PALM2AKAP2: variants seen among roughly 807,000 people sequenced by gnomAD.
PALM2AKAP2 encodes PALM2-AKAP2 fusion protein.
PALM2AKAP2 carries 37 observed loss-of-function variants against 71.5 expected under a neutral mutation model. The observed-to-expected ratio is 0.52, with a 90% CI of 0.40 to 0.68. The LOEUF (loss-of-function observed/expected upper bound fraction) is 0.68. Among genes scored for constraint, PALM2AKAP2 ranks in the 30% least tolerant of loss-of-function variants. PALM2AKAP2 has a pLI of 0.00. For synonymous variants in PALM2AKAP2, 468 were observed against 478.8 expected, an observed-to-expected ratio of 0.98 and a Z score of 0.29; for missense variants, 1,224 against 1,191.8, an observed-to-expected ratio of 1.03 and a Z score of -0.40.
chr9:109,780,682 C>G, intron 1 of PALM2AKAP2, 149 bp downstream of exon 1: 1 of 1,180,600 alleles, frequency 8.5e-7, no homozygotes, highest in South Asian at 1.4e-5. Flanking sequence ...GCTAGGCTGC[C>G]TTTTCTTTTC....
At chr9:110,052,548 A>G (rs1356640231) in intron 1 of PALM2AKAP2, among the ~76,000 whole-genome samples, 1 of 152,266 alleles carries the variant, frequency 6.6e-6, no homozygotes, top group Non-Finnish European at 1.5e-5. Context: ...CATTTGGCTC[A>G]GAGAGAAAGT....
intron 1 of PALM2AKAP2, among the ~76,000 whole-genome samples, chr9:109,784,329 A>C (rs910932468): frequency 3.3e-5 from 5 of 152,258 alleles, no homozygotes; most frequent in African/African-American, 9.6e-5. Flanking sequence ...TCCAGGAGGA[A>C]CATGTAAACC....
intron 1 of PALM2AKAP2, among the ~76,000 whole-genome samples, chr9:110,076,901 TTTA>T (rs1443793285): frequency 6.6e-6 from 1 of 152,176 alleles, no homozygotes; most frequent in Admixed American, 6.5e-5. Flanking sequence ...TGGATAGAGC[TTTA>T]ATGTTTATTT....
chr9:109,991,826 A>G (rs776467241), intron 6 of PALM2AKAP2, among the ~76,000 whole-genome samples: 1 of 152,186 alleles, frequency 6.6e-6, no homozygotes, highest in Non-Finnish European at 1.5e-5. Flanking sequence ...GCTGGGACAT[A>G]ATCGCATCCT....
At chr9:109,881,902 T>TTTTTTTA (rs1829863934) in intron 3 of PALM2AKAP2, among the ~76,000 whole-genome samples, 1 of 126,134 alleles carries the variant, frequency 7.9e-6, no homozygotes, top group South Asian at 2.8e-4. Flanking sequence ...TTTTTTTTTT[T>TTTTTTTA]TAGATGGAGT....
chr9:109,670,224 T>C (rs571129982), intron 1 of PALM2AKAP2, among the ~76,000 whole-genome samples: 4 of 152,184 alleles, frequency 2.6e-5, no homozygotes, highest in East Asian at 3.9e-4. Flanking sequence ...CCAGGTATTA[T>C]GTCTAGTACC....
intron 1 of PALM2AKAP2, among the ~76,000 whole-genome samples, chr9:109,768,690 C>T (rs1829202889): frequency 6.6e-6 from 1 of 152,242 alleles, no homozygotes; most frequent in Admixed American, 6.5e-5. Context: ...CTCTGTGCCT[C>T]AGTTACCTCA....
intron 1 of PALM2AKAP2, among the ~76,000 whole-genome samples, chr9:109,735,413 T>G (rs1367269530): frequency 1.3e-5 from 2 of 151,906 alleles, no homozygotes; most frequent in Admixed American, 6.6e-5. Flanking sequence ...GCTTCCTGCA[T>G]CTGGGGAGTC....
intron 7 of PALM2AKAP2, among the ~76,000 whole-genome samples, chr9:110,033,809 T>C (rs2132423318): frequency 6.6e-6 from 1 of 152,348 alleles, no homozygotes; most frequent in Middle Eastern, 3.4e-3. Flanking sequence ...GGACAGGCTA[T>C]GAGCCAGTGG....
At chr9:110,101,558 C>T (rs370007086) in intron 1 of PALM2AKAP2, among the ~76,000 whole-genome samples, 12 of 152,070 alleles carry the variant, frequency 7.9e-5, no homozygotes, top group South Asian at 2.1e-4. Flanking sequence ...AATGTATCAG[C>T]GCATCTCCAT....
intron 1 of PALM2AKAP2, among the ~76,000 whole-genome samples, chr9:109,794,293 C>G (rs1244875257): frequency 4.6e-5 from 7 of 151,858 alleles, no homozygotes; most frequent in Admixed American, 3.9e-4. Context: ...AATCTGATCT[C>G]TTAGGGTTAA....
Position 110,144,895 on chromosome 9 carries a change from C to T in PALM2AKAP2, c.2569+6356C>T, listed in dbSNP as rs570506496. 4.6e-5 allele frequency among the ~76,000 whole-genome samples: 7 copies of T among 152,180 alleles called. No individual in the cohort carries two copies. The East Asian group carries it at 1.2e-3, about 25-fold the overall frequency. On this transcript the variant is annotated intron_variant, in intron 2 of 3. Transcript: ENST00000374525. Reference sequence around the variant, plus strand: ...CTAGAGCCCAGAGAGATTAAGTTGCCCAAGGTCACTCAGCTTGAAAATGGG... The same window carrying T: ...CTAGAGCCCAGAGAGATTAAGTTGCTCAAGGTCACTCAGCTTGAAAATGGG...
chr9:110,140,235 G>A (rs1030848904), intron 2 of PALM2AKAP2, among the ~76,000 whole-genome samples: 15 of 151,904 alleles, frequency 9.9e-5, no homozygotes, highest in Admixed American at 4.6e-4. Flanking sequence ...ATTTTTATCC[G>A]CAACTTGTTC....
At chr9:109,865,123 G>C (rs1587970343) in intron 1 of PALM2AKAP2, among the ~76,000 whole-genome samples, 1 of 16,812 alleles carries the variant, frequency 5.9e-5, no homozygotes, top group South Asian at 1.9e-3. Flanking sequence ...TTTTGAGACA[G>C]AGTCTCACTC....
At chr9:109,899,662 A>G (rs540087433) in intron 3 of PALM2AKAP2, among the ~76,000 whole-genome samples, 1 of 152,284 alleles carries the variant, frequency 6.6e-6, no homozygotes, top group South Asian at 2.1e-4. Context: ...CTTGTCTCTC[A>G]TAATTGTGTC....
chr9:110,030,167 T>A (rs1056556375), intron 7 of PALM2AKAP2, among the ~76,000 whole-genome samples: 3 of 152,136 alleles, frequency 2.0e-5, no homozygotes, highest in Admixed American at 1.3e-4. Flanking sequence ...ACCCTTCTTC[T>A]TAGAGGAAAC....
At chr9:109,691,881 CATATATAT>C (rs1184403919) in intron 1 of PALM2AKAP2, among the ~76,000 whole-genome samples, 137 of 46,386 alleles carry the variant, frequency 3.0e-3, no homozygotes, top group African/African-American at 8.5e-3. Context: ...CACACACACA[CATATATAT>C]ATATATATAT....
chr9:109,699,773 T>C (rs1828025226), intron 1 of PALM2AKAP2, among the ~76,000 whole-genome samples: 1 of 62,526 alleles, frequency 1.6e-5, no homozygotes, highest in South Asian at 4.1e-4. Context: ...CCATTACCTT[T>C]ATTTATTTTT....
intron 1 of PALM2AKAP2, among the ~76,000 whole-genome samples, chr9:109,855,489 A>T (rs1829138781): frequency 6.6e-6 from 1 of 152,244 alleles, no homozygotes; most frequent in Non-Finnish European, 1.5e-5. Flanking sequence ...CAAGAGAGAG[A>T]AACCATGAAT....
Sources: gnomAD v4.1 joint callset for allele counts (sites outside exome capture counted in the v4.1 genomes callset) on GRCh38, gnomAD v4.1.1 for gene constraint, MANE v1.5 for transcripts, NCBI Gene and HGNC (gene_info 2026-07-23, HGNC 2026-07-21) for gene names.